The following TGM4 variants were observed in gnomAD, a reference collection of about 807,000 sequenced individuals.
TGM4 encodes transglutaminase 4.
In TGM4, 61 loss-of-function variants were observed where a neutral mutation model predicts 76.3. That is an observed-to-expected ratio of 0.80 (90% CI 0.65 to 0.99). The LOEUF is 0.99. TGM4 is among the 50% of genes least tolerant of loss of function. The probability of loss-of-function intolerance (pLI) is 0.00; values close to 1 mark genes in which losing one functional copy is unlikely to be tolerated. For synonymous variants in TGM4, 337 were observed against 329.8 expected, an observed-to-expected ratio of 1.02 and a Z score of -0.24; for missense variants, 794 against 843.2, an observed-to-expected ratio of 0.94 and a Z score of 0.72.
chr3:44,887,651 C>G, intron 2 of TGM4, 38 bp from the exon 3 acceptor site: 1 of 1,599,154 alleles, frequency 6.3e-7, no homozygotes, highest in Non-Finnish European at 8.6e-7. Flanking sequence ...TGGGGGTGGC[C>G]CATGGCTGGG....
In TGM4 at chr3:44,907,194, C is replaced by G; in HGVS notation, c.1321C>G (p.Pro441Ala). ...RRDITYEYKY[P>A]EGSSEERQVM... ...AGATATCACCTATGAGTACAAGTAT[C>G]CAGAAGGTGCTAGCATCACAGGGCT... The change falls in exon 10 of 14, where the codon CCA becomes GCA. Residue 441 changes from proline to alanine, a missense_variant. Physicochemically the swap from Pro to Ala is conservative, Grantham distance 27. Transcript: ENST00000296125. 6.2e-7 allele frequency: 1 copy of G among 1,613,584 alleles called. No homozygotes were observed. The highest frequency in any genetic ancestry group is 8.5e-7 in the Non-Finnish European group (1 of 1,179,948).
At chr3:44,903,366 T>G (rs1317946952) in intron 8 of TGM4, among the ~76,000 whole-genome samples, 1 of 152,232 alleles carries the variant, frequency 6.6e-6, no homozygotes, top group Non-Finnish European at 1.5e-5. Context: ...ATTCAGAGAC[T>G]GGCCAGTTAC....
At chr3:44,885,599 T>C (rs1699594780) in intron 2 of TGM4, 101 bp downstream of exon 2, 23 of 1,261,036 alleles carry the variant, frequency 1.8e-5, no homozygotes, top group Non-Finnish European at 2.5e-5. Context: ...CAGGAGTGCC[T>C]TACCCTCCCT....
rs778372647 is a variant in TGM4 at position 44,896,807 on chromosome 3, G to T, written c.648G>T (p.Met216Ile). The T allele has an allele frequency of 6.2e-7, 1 of 1,614,044 alleles. No individual in the cohort carries two copies. The highest frequency in any genetic ancestry group is 8.5e-7 in the Non-Finnish European group (1 of 1,179,934). The part of the protein sequence containing the change: ...RRDPVLVCRA[M>I]CAMMSFEKGQ... ...ACCCCGTGCTGGTGTGCAGGGCCATGTGTGCTATGGTAGGTATGGAAAGCC... is the reference window on the plus strand; with the variant it reads ...ACCCCGTGCTGGTGTGCAGGGCCATTTGTGCTATGGTAGGTATGGAAAGCC... The change falls in exon 6 of 14, where the codon ATG becomes ATT. Residue 216 changes from methionine to isoleucine, a missense_variant. Physicochemically the swap from Met to Ile is conservative, Grantham distance 10 (BLOSUM62 1). Coordinates refer to ENST00000296125, the MANE Select transcript of TGM4 (RefSeq NM_003241.4).
intron 1 of TGM4, among the ~76,000 whole-genome samples, chr3:44,882,057 CTT>C (rs60542332): frequency 1.2e-3 from 125 of 104,626 alleles, no homozygotes; most frequent in African/African-American, 4.3e-3. Flanking sequence ...AATACAAACG[CTT>C]TTTTTTTTTT....
chr3:44,913,958 C>T lies in TGM4; in HGVS notation c.*233C>T. ...AACACCAGCCGAGGCCACAGAATCC[C>T]ATCCCTTTCCTGAGTCATGGCCTCA... On this transcript the variant is annotated 3_prime_UTR_variant, in exon 14 of 14. Coordinates refer to ENST00000296125, the MANE Select transcript of TGM4 (RefSeq NM_003241.4). 4.4e-6 allele frequency: 2 copies of T among 458,518 alleles called. No individual in the cohort carries two copies. The highest frequency in any genetic ancestry group is 8.0e-5 in the Admixed American group (2 of 24,884). 28.4% of individuals were successfully genotyped at this position (458,518 alleles called of 1,614,324 possible). A position where few individuals can be genotyped will look rare whatever the true frequency, so the allele number is the denominator to read the frequency against.
chr3:44,896,232 T>C (rs1161900902), intron 5 of TGM4, among the ~76,000 whole-genome samples: 5 of 152,060 alleles, frequency 3.3e-5, no homozygotes, highest in African/African-American at 9.7e-5. Flanking sequence ...CTGACTCAGC[T>C]TCCCGAGTAG....
At chr3:44,904,137 AT>A (rs2125758116) in intron 9 of TGM4, 150 bp downstream of exon 9, 1 of 650,664 alleles carries the variant, frequency 1.5e-6, no homozygotes, top group East Asian at 2.7e-5. Flanking sequence ...CCTTCCTGCT[AT>A]TCCCACTGAG....
In TGM4 at chr3:44,906,977, G is replaced by T; in HGVS notation, c.1104G>T (p.Leu368=). ...TCTTCTGCTGTGGGCCATCACCACT[G>T]ACCGCCATCCGCAAAGGTGACATCT... ...QGVFCCGPSP[L]TAIRKGDIFI... The change falls in exon 10 of 14, where the codon CTG becomes CTT. Residue 368 remains leucine (L), a synonymous_variant. Coordinates refer to ENST00000296125, the MANE Select transcript of TGM4 (RefSeq NM_003241.4). 6.2e-7 allele frequency: 1 copy of T among 1,614,054 alleles called. No individual in the cohort carries two copies. The highest frequency in any genetic ancestry group is 1.1e-5 in the South Asian group (1 of 91,030).
intron 1 of TGM4, among the ~76,000 whole-genome samples, chr3:44,882,129 C>G (rs1195538583): frequency 3.7e-5 from 5 of 133,372 alleles, no homozygotes; most frequent in Non-Finnish European, 6.2e-5. Context: ...TGGCTATTCA[C>G]AGCTGCAATC....
chr3:44,895,035 C>T (rs1287339794), intron 5 of TGM4, among the ~76,000 whole-genome samples: 2 of 152,164 alleles, frequency 1.3e-5, no homozygotes, highest in African/African-American at 4.8e-5. Flanking sequence ...GTGGCTCACA[C>T]CTGTAATCCC....
At chr3:44,913,459 G>A (rs186553605) in intron 13 of TGM4, 125 bp from the exon 14 acceptor site, 41 of 1,245,734 alleles carry the variant, frequency 3.3e-5, no homozygotes, top group Middle Eastern at 3.9e-4. Context: ...GCCCTGGAAT[G>A]GCCAGGACTT....
In TGM4 at chr3:44,874,647, T is replaced by G. The variant is rs1229211726; in HGVS notation, c.-32T>G. 1 of 1,614,160 alleles carries G rather than the reference T, an allele frequency of 6.2e-7. No homozygotes were observed. The highest frequency in any genetic ancestry group is 1.1e-5 in the South Asian group (1 of 91,080). ...AGCACCAGGCATCAGAGATAGAGTCTTCCCTGGCATTGCAGGAGAGAATCT... is the reference window on the plus strand; with the variant it reads ...AGCACCAGGCATCAGAGATAGAGTCGTCCCTGGCATTGCAGGAGAGAATCT... On this transcript the variant is annotated 5_prime_UTR_variant, in exon 1 of 14. Coordinates refer to ENST00000296125, the MANE Select transcript of TGM4 (RefSeq NM_003241.4).
intron 3 of TGM4, chr3:44,888,261 CTTTTTGGGAGCA>C (rs1699640618): frequency 5.9e-6 from 1 of 168,982 alleles, no homozygotes; most frequent in Non-Finnish European, 1.3e-5. Flanking sequence ...GTTTTCCACC[CTTTTTGGGAGCA>C]CTGGGTGTTC....
At position 44,911,100 on chromosome 3, in the gene TGM4, T is replaced by C; in HGVS notation, c.1749T>C (p.Ser583=). The C allele has an allele frequency of 1.2e-6, 2 of 1,614,212 alleles. No homozygotes were observed. Among genetic ancestry groups the C allele is most frequent in the Non-Finnish European group, 1.7e-6 (2 of 1,180,042 alleles). The part of the protein sequence containing the change: ...KEIMASEVFT[S]FQYPEFSIEL... ...TCATGGCCTCTGAAGTATTCACGTCTTTCCAGTACCCTGAGTTCTCTATAG... is the reference window on the plus strand; with the variant it reads ...TCATGGCCTCTGAAGTATTCACGTCCTTCCAGTACCCTGAGTTCTCTATAG... Residue 583 remains serine (S), a synonymous_variant, in exon 12 of 14, where the codon TCT becomes TCC. Transcript: ENST00000296125.
At chr3:44,893,933 C>CGGCTCTCACCCACCCCCCAT (rs1699739530) in intron 5 of TGM4, among the ~76,000 whole-genome samples, 1 of 91,936 alleles carries the variant, frequency 1.1e-5, no homozygotes, top group Non-Finnish European at 2.3e-5. Flanking sequence ...ATCCACCCCA[C>CGGCTCTCACCCACCCCCCAT]GGCTCTCTCC....
Position 44,903,987 on chromosome 3 carries a change from G to T in TGM4, c.1075G>T (p.Gly359Cys), listed in dbSNP as rs762160254. Residue 359 changes from glycine to cysteine, a missense_variant and splice_region_variant, in exon 9 of 14, where the codon GGT (glycine) becomes TGT (cysteine). Coordinates refer to ENST00000296125, the MANE Select transcript of TGM4 (RefSeq NM_003241.4). ...CGCAACGCCGCAGGAGCGAAGCCAG[G>T]GTGAGTGGGTGGCAGGAAGGCGCTG... is the stretch of plus-strand genomic sequence containing the variant. ...VDATPQERSQ[G>C]VFCCGPSPLT... 1.2e-6 allele frequency: 2 copies of T among 1,613,498 alleles called. No homozygotes were observed. Among genetic ancestry groups the T allele is most frequent in the Non-Finnish European group, 1.7e-6 (2 of 1,179,920 alleles).
At chr3:44,892,928 C>T (rs1480550287) in intron 4 of TGM4, among the ~76,000 whole-genome samples, 4 of 152,120 alleles carry the variant, frequency 2.6e-5, no homozygotes, top group East Asian at 3.9e-4. Context: ...ATTATGTAAA[C>T]GACATGTCCT....
intron 1 of TGM4, among the ~76,000 whole-genome samples, chr3:44,877,421 C>T (rs1699465004): frequency 6.6e-6 from 1 of 152,002 alleles, no homozygotes; most frequent in Non-Finnish European, 1.5e-5. Flanking sequence ...GTCTGGGCAA[C>T]AGAGCGAGAC....
Sources: gnomAD v4.1 joint callset for allele counts (sites outside exome capture counted in the v4.1 genomes callset) on GRCh38, gnomAD v4.1.1 for gene constraint, MANE v1.5 for transcripts, NCBI Gene and HGNC (gene_info 2026-07-23, HGNC 2026-07-21) for gene names.